The following RERE variants were observed in gnomAD, a reference collection of about 807,000 sequenced individuals.
RERE encodes the protein arginine-glutamic acid dipeptide repeats.
In RERE, 40 loss-of-function variants were observed where a neutral mutation model predicts 146.1. The observed-to-expected ratio is 0.27, with a 90% CI of 0.21 to 0.36. The LOEUF (loss-of-function observed/expected upper bound fraction) is 0.36, where lower values mean the gene tolerates loss of function less well. RERE is among the 10% of genes least tolerant of loss of function. RERE has a pLI of 1.00. For missense variants in RERE, 1,933 were observed against 2,138.7 expected, an observed-to-expected ratio of 0.90 and a Z score of 1.90; for synonymous variants, 1,003 against 866.0, an observed-to-expected ratio of 1.16 and a Z score of -2.78.
chr1:8,589,572 TCTAA>T (rs1277932383), intron 4 of RERE, among the ~76,000 whole-genome samples: 1 of 152,260 alleles, frequency 6.6e-6, no homozygotes, highest in Admixed American at 6.5e-5. Flanking sequence ...TTATTGAATA[TCTAA>T]CTAAGTGCTA....
intron 10 of RERE, among the ~76,000 whole-genome samples, chr1:8,468,841 A>G (rs1399578479): frequency 6.6e-6 from 1 of 152,032 alleles, no homozygotes; most frequent in Admixed American, 6.6e-5. Flanking sequence ...AGGCTGCAGT[A>G]GTCTTGATCA....
intron 12 of RERE, among the ~76,000 whole-genome samples, chr1:8,396,775 C>T (rs1196502845): frequency 6.6e-6 from 1 of 152,186 alleles, no homozygotes; most frequent in East Asian, 1.9e-4. Context: ...AAAACGCTTT[C>T]ATCATCCCCC....
chr1:8,362,709 C>T lies in RERE; in HGVS notation c.1876G>A (p.Ala626Thr), dbSNP rs1184099744. ...AASTSSNDSKAETVKKSAKKV... is the reference protein window; with the variant it reads ...AASTSSNDSKTETVKKSAKKV... Reference sequence around the variant, plus strand: ...TTGGCCGACTTCTTCACTGTCTCTGCTTTACTGTCATTGCTGGAGGTACTG... The same window carrying T: ...TTGGCCGACTTCTTCACTGTCTCTGTTTTACTGTCATTGCTGGAGGTACTG... The change falls in exon 16 of 23, where the codon GCA (alanine) becomes ACA (threonine). Residue 626 changes from alanine (A) to threonine (T), a missense_variant. By Grantham distance (58) the Ala-to-Thr change is moderately conservative (BLOSUM62 0). Transcript: ENST00000400908. 3 of 1,614,260 alleles carry T rather than the reference C, an allele frequency of 1.9e-6. No homozygotes were observed. The highest frequency in any genetic ancestry group is 2.2e-5 in the South Asian group (2 of 91,088).
intron 12 of RERE, among the ~76,000 whole-genome samples, chr1:8,389,828 G>A (rs1410691501): frequency 1.3e-5 from 2 of 152,156 alleles, no homozygotes; most frequent in Non-Finnish European, 2.9e-5. Flanking sequence ...CATTTGTGAG[G>A]AGAAATCAGG....
intron 1 of RERE, among the ~76,000 whole-genome samples, chr1:8,673,124 G>A (rs1289514089): frequency 1.3e-5 from 2 of 152,200 alleles, no homozygotes; most frequent in East Asian, 1.9e-4. Flanking sequence ...TTGAGACAGA[G>A]TTTCACTCTC....
chr1:8,654,180 C>T (rs11121211), intron 2 of RERE, among the ~76,000 whole-genome samples: 18,898 of 151,996 alleles, frequency 0.12, 1,483 homozygotes, highest in Middle Eastern at 0.22. Context: ...GCTGGGACTG[C>T]AGTCTCATCA....
chr1:8,732,745 T>C (rs979807023), intron 1 of RERE, among the ~76,000 whole-genome samples: 2 of 151,634 alleles, frequency 1.3e-5, no homozygotes, highest in African/African-American at 4.9e-5. Context: ...GAACTCTGTG[T>C]GTGTGTCTGT....
chr1:8,723,174 AG>A (rs1245249252), intron 1 of RERE, among the ~76,000 whole-genome samples: 4 of 152,218 alleles, frequency 2.6e-5, no homozygotes, highest in Admixed American at 2.0e-4. Flanking sequence ...AGGGGGAGGT[AG>A]GAATCGAAAC....
intron 12 of RERE, among the ~76,000 whole-genome samples, chr1:8,379,663 C>T (rs1460642187): frequency 1.3e-5 from 2 of 152,182 alleles, no homozygotes; most frequent in Non-Finnish European, 2.9e-5. Context: ...GGACTGGCAG[C>T]GCCACCCCAT....
chr1:8,564,832 A>ATGTGTGTGTGTGTGTG (rs567556868), intron 4 of RERE, among the ~76,000 whole-genome samples: 1 of 139,012 alleles, frequency 7.2e-6, no homozygotes, highest in Admixed American at 7.1e-5. Flanking sequence ...GTATATGTGT[A>ATGTGTGTGTGTGTGTG]TGTGTGTGTG....
chr1:8,572,322 C>T (rs1646231115), intron 4 of RERE, among the ~76,000 whole-genome samples: 1 of 152,150 alleles, frequency 6.6e-6, no homozygotes, highest in Non-Finnish European at 1.5e-5. Context: ...GCCAGAAAAG[C>T]AACATTCTAA....
At chr1:8,635,656 G>A (rs922157221) in intron 2 of RERE, among the ~76,000 whole-genome samples, 1 of 151,946 alleles carries the variant, frequency 6.6e-6, no homozygotes, top group Non-Finnish European at 1.5e-5. Context: ...AACTTTGGGA[G>A]GAAAAATTAA....
At chr1:8,589,331 T>C (rs1414003705) in intron 4 of RERE, among the ~76,000 whole-genome samples, 1 of 152,078 alleles carries the variant, frequency 6.6e-6, no homozygotes, top group Non-Finnish European at 1.5e-5. Context: ...TCCCAGCTAC[T>C]TGGGAGGCTG....
At chr1:8,369,307 C>G (rs1641934017) in intron 12 of RERE, among the ~76,000 whole-genome samples, 1 of 152,020 alleles carries the variant, frequency 6.6e-6, no homozygotes, top group Non-Finnish European at 1.5e-5. Context: ...AACCTTTGCT[C>G]CTGGCTTCAC....
Position 8,358,818 on chromosome 1 carries a change from A to G in RERE, c.3717T>C (p.Ile1239=). Residue 1239 remains isoleucine (I), a synonymous_variant, in exon 20 of 23, where the codon ATT becomes ATC. Transcript: ENST00000400908. The part of the protein sequence containing the change: ...RPSFEPPPTT[I]AAVPPYIGPD... Reference sequence around the variant, plus strand: ...GCCCGATGTAGGGGGGCACAGCAGCAATGGTGGTTGGTGGTGGCTCGAAGG... The same window carrying G: ...GCCCGATGTAGGGGGGCACAGCAGCGATGGTGGTTGGTGGTGGCTCGAAGG... The G allele has an allele frequency of 1.9e-6, 3 of 1,611,866 alleles. No homozygotes were observed. The highest frequency in any genetic ancestry group is 2.5e-6 in the Non-Finnish European group (3 of 1,178,828).
chr1:8,611,195 A>G (rs1297904980), intron 4 of RERE, among the ~76,000 whole-genome samples: 2 of 150,620 alleles, frequency 1.3e-5, no homozygotes, highest in African/African-American at 4.9e-5. Flanking sequence ...ACTCTGTCTC[A>G]AAAAACAACA....
rs569201333 is a variant in RERE, at chr1:8,423,703, G to A, written c.1204-896C>T. 2 of 981,592 alleles carry A rather than the reference G, an allele frequency of 2.0e-6. No individual in the cohort carries two copies. The highest frequency in any genetic ancestry group is 2.4e-6 in the Non-Finnish European group (2 of 828,696). 60.8% of individuals were successfully genotyped at this position (981,592 alleles called of 1,614,324 possible). The stretch of plus-strand genomic sequence containing the variant: ...GGGCGGAGGCGGCCGCGGGTGGCTC[G>A]GCGTGTGACCGCGGCGGGGCCGCGC... On this transcript the variant is annotated intron_variant, in intron 11 of 22. Transcript: ENST00000400908. This position sits in a 1 kb window ranked among gnomAD's most constrained non-coding sequence, Gnocchi z 5.4.
In RERE at chr1:8,530,696, T is replaced by TG. The variant is rs1170425543; in HGVS notation, c.830+10517_830+10518insC. Among the ~76,000 whole-genome samples the TG allele has an allele frequency of 2.3e-3, 325 of 143,718 alleles. 2 individuals carry two copies. Among genetic ancestry groups the TG allele is most frequent in the African/African-American group, 8.0e-3 (310 of 38,550 alleles). The allele number at this position is 143,718 out of a possible 152,430, so 94.3% of individuals were successfully genotyped here. A position where few individuals can be genotyped will look rare whatever the true frequency, so the allele number is the denominator to read the frequency against. ...TTCGTTTTCTTTTTTTTTTTTTTTT[T>TG]TTTTTTGAGACGGAGTCTCGCTCTG... On this transcript the variant is annotated intron_variant, in intron 7 of 22. Transcript: ENST00000400908.
At chr1:8,372,507 C>CATGTGTGTGTGTGT (rs1553157691) in intron 12 of RERE, among the ~76,000 whole-genome samples, 67 of 131,826 alleles carry the variant, frequency 5.1e-4, no homozygotes, top group African/African-American at 1.7e-3. Flanking sequence ...ACCATCAGGT[C>CATGTGTGTGTGTGT]GTGTGTGTGT....
Sources: allele counts gnomAD v4.1 joint callset (sites outside exome capture counted in the v4.1 genomes callset), GRCh38; gene constraint gnomAD v4.1.1; non-coding constraint Gnocchi (gnomAD v3.1); transcripts MANE v1.5; gene names NCBI Gene and HGNC (gene_info 2026-07-23, HGNC 2026-07-21).